ESD: variants seen among roughly 807,000 people sequenced by gnomAD.
ESD encodes the protein S-formylglutathione hydrolase.
ESD carries 34 observed loss-of-function variants against 38.1 expected under a neutral mutation model. The ratio of observed to expected loss-of-function variants is 0.89; its 90% confidence interval spans 0.68 to 1.19. The LOEUF is 1.19. Among genes scored for constraint, ESD ranks in the 50% most tolerant of loss-of-function variants. The pLI is 0.00. For synonymous variants in ESD, 97 were observed against 107.0 expected, an observed-to-expected ratio of 0.91 and a Z score of 0.58; for missense variants, 334 against 327.2, an observed-to-expected ratio of 1.02 and a Z score of -0.16.
chr13:46,789,015 T>A (rs186107868), intron 3 of ESD, among the ~76,000 whole-genome samples: 7 of 152,332 alleles, frequency 4.6e-5, no homozygotes, highest in African/African-American at 1.7e-4. Context: ...ATGTGACTAC[T>A]GAGCACCTGA....
At position 46,791,833 on chromosome 13, in the gene ESD, A is replaced by T. The variant is rs552404991; in HGVS notation, c.-7-413T>A. Among the ~76,000 whole-genome samples the T allele has an allele frequency of 4.1e-3, 625 of 152,158 alleles. 6 individuals carry two copies. Among genetic ancestry groups the T allele is most frequent in the African/African-American group, 0.011 (464 of 41,566 alleles). ...GGTATGACTGATTATAGTTGATTTT[A>T]AAATGGAAGAAAGATGTGATAATGA... is the stretch of plus-strand genomic sequence containing the variant. On this transcript the variant is annotated intron_variant, in intron 2 of 9. Transcript: ENST00000378720.
At chr13:46,796,286 A>C (rs1331268869) in intron 1 of ESD, among the ~76,000 whole-genome samples, 1 of 152,200 alleles carries the variant, frequency 6.6e-6, no homozygotes, top group African/African-American at 2.4e-5. Context: ...TTATTACTAC[A>C]TGACACTGGG....
chr13:46,776,563 G>A (rs1874805058), intron 9 of ESD: 1 of 152,078 alleles, frequency 6.6e-6, no homozygotes, highest in Non-Finnish European at 1.5e-5. Context: ...CTCCTCATTT[G>A]TAAAACAGAT....
intron 9 of ESD, 28 bp downstream of exon 9, chr13:46,777,428 G>T: frequency 6.5e-7 from 1 of 1,549,998 alleles, no homozygotes; most frequent in South Asian, 1.2e-5. Context: ...ACATTATCTA[G>T]ATCAAGCTAA....
At chr13:46,789,763 C>G (rs1875324008) in intron 3 of ESD, among the ~76,000 whole-genome samples, 1 of 151,832 alleles carries the variant, frequency 6.6e-6, no homozygotes, top group Admixed American at 6.6e-5. Flanking sequence ...TGAGTTTTGT[C>G]ATTTCTACTA....
At chr13:46,787,355 T>C (rs901748402) in intron 3 of ESD, among the ~76,000 whole-genome samples, 8 of 151,996 alleles carry the variant, frequency 5.3e-5, no homozygotes, top group Admixed American at 4.6e-4. Flanking sequence ...GCACTGTCAT[T>C]CTGGGCAAAA....
At chr13:46,786,103 A>G (rs1875184698) in intron 4 of ESD, among the ~76,000 whole-genome samples, 2 of 152,060 alleles carry the variant, frequency 1.3e-5, no homozygotes. Context: ...ACAATTAAAT[A>G]ACTAATTTTG....
chr13:46,779,705 TTATA>T (rs1005655413), intron 8 of ESD, among the ~76,000 whole-genome samples: 12 of 143,400 alleles, frequency 8.4e-5, no homozygotes, highest in Non-Finnish European at 1.2e-4. Context: ...TTTTGTTGAT[TTATA>T]TATATATATA....
chr13:46,794,450 C>T (rs1363841117), intron 1 of ESD, among the ~76,000 whole-genome samples: 1 of 152,150 alleles, frequency 6.6e-6, no homozygotes, highest in Non-Finnish European at 1.5e-5. Context: ...TCTCCTACCT[C>T]AGCCTCCTGA....
rs369918622 is a variant in ESD, at chr13:46,779,990, G to A, written c.545C>T (p.Pro182Leu). 186 of 1,604,134 alleles carry A rather than the reference G, an allele frequency of 1.2e-4. 3 individuals carry two copies. In the South Asian group the frequency reaches 1.2e-3, roughly 10 times the overall value. ...TCCACTAAAGGCTTTTTTGCCCCAGGGACAGAGTACAGGGTTGCAAATTGG... is the reference window on the plus strand; with the variant it reads ...TCCACTAAAGGCTTTTTTGCCCCAGAGACAGAGTACAGGGTTGCAAATTGG... ...FAPICNPVLC[P>L]WGKKAFSGYL... Residue 182 changes from proline to leucine, a missense_variant, in exon 8 of 10, where the codon CCC becomes CTC. Pro to Leu is a moderately conservative substitution (Grantham distance 98, BLOSUM62 -3). Coordinates refer to ENST00000378720, the MANE Select transcript of ESD (RefSeq NM_001984.2).
At chr13:46,771,837 C>T (rs1344027519) in intron 9 of ESD, among the ~76,000 whole-genome samples, 1 of 151,966 alleles carries the variant, frequency 6.6e-6, no homozygotes, top group Non-Finnish European at 1.5e-5. Context: ...CTGTAGAGTG[C>T]ATTAAATATG....
intron 3 of ESD, among the ~76,000 whole-genome samples, chr13:46,788,667 T>C (rs1185226657): frequency 1.0e-5 from 1 of 97,424 alleles, no homozygotes; most frequent in Non-Finnish European, 2.1e-5. Flanking sequence ...AACACTTATG[T>C]AAAAGCAAAA....
intron 9 of ESD, 76 bp from the exon 10 acceptor site, chr13:46,771,572 T>G (rs532898956): frequency 2.0e-5 from 18 of 902,256 alleles, no homozygotes; most frequent in Non-Finnish European, 3.0e-5. Flanking sequence ...AATATATCTC[T>G]AAGGTCGTTT....
At chr13:46,776,756 T>G (rs1382436099) in intron 9 of ESD, 2 of 152,098 alleles carry the variant, frequency 1.3e-5, no homozygotes, top group Non-Finnish European at 2.9e-5. Context: ...GATAAAAATT[T>G]ATTTAAAAAT....
chr13:46,790,281 AAG>A (rs1433741322), intron 3 of ESD, among the ~76,000 whole-genome samples: 4 of 152,238 alleles, frequency 2.6e-5, no homozygotes, highest in African/African-American at 9.6e-5. Flanking sequence ...ACTCCTATTT[AAG>A]AGAGAAACAC....
Position 46,791,342 on chromosome 13 carries a change from T to C in ESD, c.68+4A>G, listed in dbSNP as rs183006170. 1.6e-5 allele frequency: 26 copies of C among 1,605,576 alleles called. 1 individual carries two copies. The African/African-American group carries it at 2.9e-4, about 18-fold the overall frequency. On this transcript the variant is annotated splice_donor_region_variant and intron_variant, in intron 3 of 9. Coordinates refer to ENST00000378720, the MANE Select transcript of ESD (RefSeq NM_001984.2). ...ATCTAAAATTATATCTTCTTAATAGTTACCTGTCATGTTCAAAAACTTTCT... is the reference window on the plus strand; with the variant it reads ...ATCTAAAATTATATCTTCTTAATAGCTACCTGTCATGTTCAAAAACTTTCT...
At position 46,791,360 on chromosome 13, in the gene ESD, A is replaced by T; in HGVS notation, c.54T>A (p.Val18=). 1 of 1,612,528 alleles carries T rather than the reference A, an allele frequency of 6.2e-7. No homozygotes were observed. The highest frequency in any genetic ancestry group is 8.5e-7 in the Non-Finnish European group (1 of 1,179,128). ...TTAATAGTTACCTGTCATGTTCAAA[A>T]ACTTTCTGCAATCCCCCAAAGCACT... ...SNKCFGGLQK[V]FEHDSVELNC... The change falls in exon 3 of 10, where the codon GTT becomes GTA. Residue 18 remains valine, a synonymous_variant. Transcript: ENST00000378720.
At chr13:46,783,579 T>A (rs1171480328) in intron 5 of ESD, among the ~76,000 whole-genome samples, 1 of 151,980 alleles carries the variant, frequency 6.6e-6, no homozygotes, top group Non-Finnish European at 1.5e-5. Flanking sequence ...ATATTTTTGA[T>A]ATTATTTTGA....
rs35006774 is a variant in ESD at position 46,790,006 on chromosome 13, A to ATT, written c.68+1339_68+1340insAA. ...AATTTTTGTACATATATATATATAT[A>ATT]TATTTTTTTTTTTTCAGTAGAGACA... On this transcript the variant is annotated intron_variant, in intron 3 of 9. Transcript: ENST00000378720. Among the ~76,000 whole-genome samples the ATT allele has an allele frequency of 4.0e-3, 531 of 132,336 alleles. 5 individuals carry two copies. Among genetic ancestry groups the ATT allele is most frequent in the South Asian group, 0.02 (86 of 4,276 alleles). The allele number at this position is 132,336 out of a possible 152,430, so 86.8% of individuals were successfully genotyped here. A position where few individuals can be genotyped will look rare whatever the true frequency, so the allele number is the denominator to read the frequency against.
Sources: allele counts gnomAD v4.1 joint callset (sites outside exome capture counted in the v4.1 genomes callset), GRCh38; gene constraint gnomAD v4.1.1; transcripts MANE v1.5; gene names NCBI Gene and HGNC (gene_info 2026-07-23, HGNC 2026-07-21).